The following CIT variants were observed in gnomAD, a reference collection of about 807,000 sequenced individuals.
CIT encodes the protein citron rho-interacting serine/threonine kinase.
In CIT, 79 loss-of-function variants were observed where a neutral mutation model predicts 272.7. The ratio of observed to expected loss-of-function variants is 0.29; its 90% CI spans 0.24 to 0.35. The LOEUF (loss-of-function observed/expected upper bound fraction) is 0.35. CIT is among the 10% of genes least tolerant of loss of function. The pLI, the probability that CIT is intolerant of heterozygous loss-of-function variation, is 1.00. For missense variants in CIT, 1,909 were observed against 2,618.3 expected (o/e 0.73, Z 5.91); for synonymous variants, 948 against 995.6 (o/e 0.95, Z 0.90).
Position 119,767,127 on chromosome 12 carries a change from T to C in CIT, c.2264A>G (p.His755Arg), listed in dbSNP as rs746621558. The C allele has an allele frequency of 6.2e-7, 1 of 1,610,962 alleles. No homozygotes were observed. Among genetic ancestry groups the C allele is most frequent in the Non-Finnish European group, 8.5e-7 (1 of 1,178,498 alleles). Residue 755 changes from histidine (H) to arginine (R), a missense_variant, in exon 19 of 48, where the codon CAC becomes CGC. Transcript: ENST00000392521. ...ATAGTGCTGCTCTTTCTGTTTCAGG[T>C]GCACTTCTAGGTGCTGGGCTGAGAC... Reference protein sequence around the residue: ...AQVSAQHLEVHLKQKEQHYEE... With the variant: ...AQVSAQHLEVRLKQKEQHYEE...
In CIT at chr12:119,712,903, AGT is replaced by A. The variant is rs2137069228; in HGVS notation, c.4580-210_4580-209del. The A allele has an allele frequency of 1.5e-5, 9 of 583,660 alleles. No homozygotes were observed. Among genetic ancestry groups the A allele is most frequent in the Non-Finnish European group, 2.7e-5 (9 of 329,350 alleles). 36.2% of individuals were successfully genotyped at this position (583,660 alleles called of 1,614,324 possible). A position where few individuals can be genotyped will look rare whatever the true frequency, so the allele number is the denominator to read the frequency against. ...ATAAAGTGTGTCAGATGAGTAGCAC[AGT>A]CAAATTTCTGATGACGATGCGGATT... On this transcript the variant is annotated intron_variant, in intron 35 of 47. Coordinates refer to ENST00000392521, the MANE Select transcript of CIT (RefSeq NM_001206999.2). The surrounding 1 kb of genome is among the most constrained non-coding windows in gnomAD (Gnocchi z 5.2).
chr12:119,769,925 G>A (rs953471685), intron 18 of CIT, among the ~76,000 whole-genome samples: 2 of 152,228 alleles, frequency 1.3e-5, no homozygotes, highest in African/African-American at 4.8e-5. Context: ...GATGTGAAGA[G>A]AGAGAGATGA....
At chr12:119,791,840 T>C (rs75722435) in intron 10 of CIT, among the ~76,000 whole-genome samples, 2,160 of 152,338 alleles carry the variant, frequency 0.014, 46 homozygotes, top group African/African-American at 0.049. Flanking sequence ...ATAGGGATAA[T>C]GGCATATGAC....
At chr12:119,853,948 A>AG (rs1403196513) in intron 4 of CIT, among the ~76,000 whole-genome samples, 1 of 151,996 alleles carries the variant, frequency 6.6e-6, no homozygotes, top group Non-Finnish European at 1.5e-5. Flanking sequence ...ACACTTTGGG[A>AG]GGGGGAGATG....
intron 27 of CIT, among the ~76,000 whole-genome samples, chr12:119,730,182 T>C (rs751954418): frequency 5.9e-5 from 9 of 151,800 alleles, no homozygotes; most frequent in Non-Finnish European, 1.2e-4. Context: ...CATAAAGCCT[T>C]CTGGAAATAA....
chr12:119,714,602 TAGAG>T (rs1027801947), intron 32 of CIT, among the ~76,000 whole-genome samples: 3 of 152,134 alleles, frequency 2.0e-5, no homozygotes, highest in African/African-American at 7.2e-5. Context: ...TATCAGTCGT[TAGAG>T]AGATGTGAAT....
At position 119,851,365 on chromosome 12, in the gene CIT, G is replaced by A. The variant is rs148619285; in HGVS notation, c.415-1090C>T. ...GTCCACTGAAAGGGGTCTGGGAGTA[G>A]TGACACACCGGTAGCAATGAAAACA... On this transcript the variant is annotated intron_variant, in intron 4 of 47. Transcript: ENST00000392521. 9.9e-3 allele frequency among the ~76,000 whole-genome samples: 1,510 copies of A among 152,320 alleles called. 63 individuals carry two copies. The highest frequency in any genetic ancestry group is 0.076 in the Admixed American group (1,155 of 15,292).
At chr12:119,809,839 G>A (rs1244154762) in intron 9 of CIT, among the ~76,000 whole-genome samples, 1 of 152,188 alleles carries the variant, frequency 6.6e-6, no homozygotes, top group African/African-American at 2.4e-5. Flanking sequence ...ATTTCTACAT[G>A]GTTGTTGATC....
Position 119,767,104 on chromosome 12 carries a change from A to G in CIT, c.2287T>C (p.Tyr763His). The change falls in exon 19 of 48, where the codon TAT (tyrosine) becomes CAT (histidine). Residue 763 changes from tyrosine to histidine, a missense_variant. Transcript: ENST00000392521. Reference sequence around the variant, plus strand: ...GTCTTTACTTTAATCTTTTCCTCATAGTGCTGCTCTTTCTGTTTCAGGTGC... The same window carrying G: ...GTCTTTACTTTAATCTTTTCCTCATGGTGCTGCTCTTTCTGTTTCAGGTGC... ...EVHLKQKEQHYEEKIKVLDNQ... is the reference protein window; with the variant it reads ...EVHLKQKEQHHEEKIKVLDNQ... 6.2e-7 allele frequency: 1 copy of G among 1,609,756 alleles called. No homozygotes were observed. Among genetic ancestry groups the G allele is most frequent in the Non-Finnish European group, 8.5e-7 (1 of 1,177,824 alleles).
intron 32 of CIT, among the ~76,000 whole-genome samples, chr12:119,717,155 C>G (rs1201642567): frequency 1.3e-5 from 2 of 151,986 alleles, no homozygotes; most frequent in South Asian, 2.1e-4. Flanking sequence ...CAGGTTCAAA[C>G]AGTTCTCCTG....
At chr12:119,789,864 C>A (rs573704185) in intron 10 of CIT, among the ~76,000 whole-genome samples, 1 of 151,724 alleles carries the variant, frequency 6.6e-6, no homozygotes, top group Non-Finnish European at 1.5e-5. Context: ...CGCCACCACG[C>A]CCAGCAAATT....
At chr12:119,832,692 C>A in intron 7 of CIT, 79 bp downstream of exon 7, 1 of 1,204,438 alleles carries the variant, frequency 8.3e-7, no homozygotes, top group Non-Finnish European at 1.2e-6. Flanking sequence ...CCATTTTATC[C>A]CAACACTTCC....
chr12:119,853,109 T>C (rs1427977951), intron 4 of CIT, among the ~76,000 whole-genome samples: 2 of 152,094 alleles, frequency 1.3e-5, no homozygotes, highest in Non-Finnish European at 2.9e-5. Flanking sequence ...CGTGGACTAC[T>C]GCAGGTCAGG....
In CIT at chr12:119,803,482, G is replaced by GCGCT. The variant is rs1966384531; in HGVS notation, c.1112-97_1112-94dup. 9.6e-6 allele frequency: 9 copies of GCGCT among 937,506 alleles called. No individual in the cohort carries two copies. In the South Asian group the frequency reaches 1.5e-4, roughly 16 times the overall value. The allele number at this position is 937,506 out of a possible 1,614,324, so 58.1% of individuals were successfully genotyped here. On this transcript the variant is annotated intron_variant, in intron 9 of 47. Coordinates refer to ENST00000392521, the MANE Select transcript of CIT (RefSeq NM_001206999.2). ...CGGAGAAGATCGTCTTACTCCTTCG[G>GCGCT]CGCTGGCGATGGCACTGCAGCGCCT...
In CIT at chr12:119,742,914, C is replaced by T. The variant is rs138031078; in HGVS notation, c.2905-450G>A. ...ACACACATACACACAGAAACGCACA[C>T]ACAGGACAATAGCCAAGACAAAGGG... On this transcript the variant is annotated intron_variant, in intron 23 of 47. Transcript: ENST00000392521. 1,192 of 153,144 alleles carry T rather than the reference C, an allele frequency of 7.8e-3. 14 individuals carry two copies. Among genetic ancestry groups the T allele is most frequent in the African/African-American group, 0.028 (1,160 of 41,466 alleles). The allele number at this position is 153,144 out of a possible 1,614,324, so 9.5% of individuals were successfully genotyped here. A position where few individuals can be genotyped will look rare whatever the true frequency, so the allele number is the denominator to read the frequency against.
rs79851927 is a variant in CIT, at chr12:119,707,858, C to G, written c.5211+321G>C. Among the ~76,000 whole-genome samples the G allele has an allele frequency of 0.028, 4,264 of 152,348 alleles. 192 individuals are homozygous for G. Among genetic ancestry groups the G allele is most frequent in the African/African-American group, 0.096 (4,000 of 41,556 alleles). On this transcript the variant is annotated intron_variant, in intron 40 of 47. Coordinates refer to ENST00000392521, the MANE Select transcript of CIT (RefSeq NM_001206999.2). Reference sequence around the variant, plus strand: ...GCAAGGACATCCGCCCAGTGACTATCTGTCCAACCTTAGACAAGCGTCAGT... The same window carrying G: ...GCAAGGACATCCGCCCAGTGACTATGTGTCCAACCTTAGACAAGCGTCAGT...
intron 23 of CIT, among the ~76,000 whole-genome samples, chr12:119,745,825 C>CA (rs1959306876): frequency 2.1e-5 from 1 of 46,766 alleles, no homozygotes; most frequent in African/African-American, 1.0e-4. Context: ...ACATAAAATA[C>CA]CAAAAATAGA....
chr12:119,783,573 C>T (rs191817727), intron 12 of CIT: 6 of 181,282 alleles, frequency 3.3e-5, no homozygotes, highest in Admixed American at 3.0e-4. Flanking sequence ...CAAGGCTGCT[C>T]ATGTCAGACA....
intron 7 of CIT, among the ~76,000 whole-genome samples, chr12:119,830,534 AT>A (rs1480551658): frequency 2.6e-5 from 4 of 152,120 alleles, no homozygotes; most frequent in Non-Finnish European, 5.9e-5. Context: ...GCAAACACAT[AT>A]TCCTGTCTAA....
Sources: allele counts gnomAD v4.1 joint callset (sites outside exome capture counted in the v4.1 genomes callset), GRCh38; gene constraint gnomAD v4.1.1; non-coding constraint Gnocchi (gnomAD v3.1); transcripts MANE v1.5; gene names NCBI Gene and HGNC (gene_info 2026-07-23, HGNC 2026-07-21).